GABRG1: variants seen among roughly 807,000 people sequenced by gnomAD.
GABRG1 encodes the protein gamma-aminobutyric acid receptor subunit gamma-1.
A neutral mutation model predicts 49.8 loss-of-function variants in GABRG1; 49 were observed. The ratio of observed to expected loss-of-function variants is 0.98; its 90% CI spans 0.78 to 1.25. The LOEUF (loss-of-function observed/expected upper bound fraction) is 1.25, where lower values mean the gene tolerates loss of function less well. Ranked by LOEUF, GABRG1 falls within the 50% of genes most tolerant of loss-of-function variation. The pLI, the probability that GABRG1 is intolerant of heterozygous loss-of-function variation, is 0.00. For synonymous variants in GABRG1, 232 were observed against 185.1 expected (o/e 1.25, Z -2.06); for missense variants, 552 against 552.3 (o/e 1.00, Z 0.01).
At chr4:46,097,058 C>A in intron 2 of GABRG1, 143 bp downstream of exon 2, 2 of 672,446 alleles carry the variant, frequency 3.0e-6, no homozygotes, top group South Asian at 8.0e-5. Context: ...ACATTAGTGA[C>A]CATTCTAACC....
chr4:46,058,842 A>G (rs1718558707), intron 5 of GABRG1, among the ~76,000 whole-genome samples: 1 of 152,132 alleles, frequency 6.6e-6, no homozygotes, highest in African/African-American at 2.4e-5. Flanking sequence ...CTTAAGAAAT[A>G]GAAACTTGCT....
intron 2 of GABRG1, among the ~76,000 whole-genome samples, chr4:46,089,895 T>C (rs1719918831): frequency 6.6e-6 from 1 of 151,858 alleles, no homozygotes. Flanking sequence ...CCCCAGGAGG[T>C]TGAAGCTGCA....
chr4:46,115,139 T>G (rs906323504), intron 1 of GABRG1, among the ~76,000 whole-genome samples: 1 of 150,766 alleles, frequency 6.6e-6, no homozygotes, highest in African/African-American at 2.4e-5. Flanking sequence ...TATAAGATAT[T>G]ATTTAAAAAG....
intron 8 of GABRG1, among the ~76,000 whole-genome samples, chr4:46,042,622 T>C (rs10026470): frequency 0.5 from 76,648 of 151,780 alleles, 19,936 homozygotes; most frequent in African/African-American, 0.62. Flanking sequence ...GAAAAACATT[T>C]TTACAAATGT....
intron 1 of GABRG1, among the ~76,000 whole-genome samples, chr4:46,122,176 T>C (rs759493136): frequency 6.6e-5 from 10 of 152,152 alleles, no homozygotes; most frequent in Middle Eastern, 3.4e-3. Context: ...GGGAGCTTGA[T>C]GTAATTGGCT....
At chr4:46,055,117 T>C (rs1718381466) in intron 7 of GABRG1, among the ~76,000 whole-genome samples, 2 of 22,548 alleles carry the variant, frequency 8.9e-5, no homozygotes, top group South Asian at 3.4e-3. Context: ...CTAATTAAAC[T>C]AAAGAGCTTC....
chr4:46,103,490 G>C (rs867441002), intron 1 of GABRG1, among the ~76,000 whole-genome samples: 23 of 151,384 alleles, frequency 1.5e-4, no homozygotes, highest in African/African-American at 4.6e-4. Context: ...ATAAAATTTG[G>C]TTATTCATAT....
chr4:46,062,563 C>T (rs1049691425), intron 5 of GABRG1, among the ~76,000 whole-genome samples: 4 of 152,130 alleles, frequency 2.6e-5, no homozygotes, highest in African/African-American at 9.7e-5. Context: ...TTAATGATCG[C>T]CATTTTAACT....
intron 7 of GABRG1, among the ~76,000 whole-genome samples, chr4:46,055,914 G>A (rs1577635182): frequency 8.3e-5 from 1 of 11,992 alleles, no homozygotes; most frequent in African/African-American, 4.0e-4. Context: ...GAGATCACAT[G>A]GACACAGGAA....
chr4:46,115,620 G>T (rs1369215850), intron 1 of GABRG1, among the ~76,000 whole-genome samples: 1 of 150,686 alleles, frequency 6.6e-6, no homozygotes, highest in Non-Finnish European at 1.5e-5. Flanking sequence ...TTTGAGATGT[G>T]AAAAAATGAT....
rs1577642481 is a variant in GABRG1 at position 46,064,706 on chromosome 4, CAG to C, written c.543-185_543-184del. On this transcript the variant is annotated intron_variant, in intron 4 of 8. Transcript: ENST00000295452. ...ATAATATTATAATATTTATATATGA[CAG>C]AATTCTAACAATTTCCTCTTCAGTC... 2.6e-5 allele frequency among the ~76,000 whole-genome samples: 4 copies of C among 152,062 alleles called. No individual in the cohort carries two copies. In the East Asian group the frequency reaches 7.7e-4, roughly 29 times the overall value.
intron 1 of GABRG1, among the ~76,000 whole-genome samples, chr4:46,118,145 T>TATATATATATATAC (rs1201578705): frequency 6.8e-6 from 1 of 146,222 alleles, no homozygotes; most frequent in African/African-American, 2.5e-5. Flanking sequence ...TATATATATA[T>TATATATATATATAC]ACAGCTACAG....
chr4:46,058,790 C>CTGA (rs1349456583), intron 5 of GABRG1, among the ~76,000 whole-genome samples, 168 bp from the exon 6 acceptor site: 1 of 151,978 alleles, frequency 6.6e-6, no homozygotes, highest in Admixed American at 6.6e-5. Context: ...AGTTTAATGA[C>CTGA]TAATCATACA....
chr4:46,122,893 T>C (rs1190643743), intron 1 of GABRG1, among the ~76,000 whole-genome samples: 1 of 151,994 alleles, frequency 6.6e-6, no homozygotes, highest in African/African-American at 2.4e-5. Context: ...TTTATAAGTG[T>C]CTATGTCTTA....
At chr4:46,079,239 A>G (rs1212647093) in intron 3 of GABRG1, among the ~76,000 whole-genome samples, 2 of 151,824 alleles carry the variant, frequency 1.3e-5, no homozygotes, top group Non-Finnish European at 2.9e-5. Flanking sequence ...ACCCCTTTGT[A>G]GTCCTCTCCA....
At chr4:46,074,579 T>C (rs1455573662) in intron 3 of GABRG1, among the ~76,000 whole-genome samples, 1 of 152,140 alleles carries the variant, frequency 6.6e-6, no homozygotes, top group Non-Finnish European at 1.5e-5. Flanking sequence ...TATGGTAATT[T>C]GTTACAATTT....
chr4:46,046,441 G>A (rs1718002302), intron 8 of GABRG1, among the ~76,000 whole-genome samples: 1 of 152,034 alleles, frequency 6.6e-6, no homozygotes, highest in Non-Finnish European at 1.5e-5. Context: ...AATTGTTTAA[G>A]TAACCTTCTT....
Position 46,040,908 on chromosome 4 carries a change from T to C in GABRG1, c.*80A>G. The C allele has an allele frequency of 1.4e-6, 2 of 1,400,614 alleles. No homozygotes were observed. The highest frequency in any genetic ancestry group is 1.9e-6 in the Non-Finnish European group (2 of 1,027,576). 86.8% of individuals were successfully genotyped at this position (1,400,614 alleles called of 1,614,324 possible). A position where few individuals can be genotyped will look rare whatever the true frequency, so the allele number is the denominator to read the frequency against. ...CATTGGTCTCTCTGCATTTTAAATT[T>C]AAACTTCAAGTTACTGAAGCACAAA... On this transcript the variant is annotated 3_prime_UTR_variant, in exon 9 of 9. Transcript: ENST00000295452.
At chr4:46,069,500 T>A (rs547211859) in intron 3 of GABRG1, among the ~76,000 whole-genome samples, 6 of 152,136 alleles carry the variant, frequency 3.9e-5, no homozygotes, top group Non-Finnish European at 7.4e-5. Context: ...AAACTTGGTG[T>A]TATTCTATGT....
Sources: allele counts gnomAD v4.1 joint callset (sites outside exome capture counted in the v4.1 genomes callset), GRCh38; gene constraint gnomAD v4.1.1; transcripts MANE v1.5; gene names NCBI Gene and HGNC (gene_info 2026-07-23, HGNC 2026-07-21).